AKT3: variants seen among roughly 807,000 people sequenced by gnomAD.
The protein encoded by AKT3 is AKT serine/threonine kinase 3.
A neutral mutation model predicts 65.3 loss-of-function variants in AKT3; 15 were observed. That is an observed-to-expected ratio of 0.23 (90% CI 0.15 to 0.35). The LOEUF is 0.35. Ranked by LOEUF, AKT3 falls within the 10% of genes least tolerant of loss-of-function variation. The pLI is 1.00. For synonymous variants in AKT3, 206 were observed against 183.8 expected (o/e 1.12, Z -0.98); for missense variants, 243 against 576.5 (o/e 0.42, Z 5.92).
At chr1:243,535,945 G>A (rs1671895878) in intron 12 of AKT3, among the ~76,000 whole-genome samples, 1 of 151,934 alleles carries the variant, frequency 6.6e-6, no homozygotes, top group African/African-American at 2.4e-5. Flanking sequence ...ATCTCACTGT[G>A]GTTTTATTTG....
At chr1:243,730,702 C>T (rs1012590098) in intron 2 of AKT3, among the ~76,000 whole-genome samples, 1 of 152,204 alleles carries the variant, frequency 6.6e-6, no homozygotes, top group African/African-American at 2.4e-5. Context: ...TCCCCCTGCT[C>T]GCCGAGCCGC....
intron 3 of AKT3, among the ~76,000 whole-genome samples, chr1:243,693,243 G>GATAGATATAT (rs1684824887): frequency 2.2e-5 from 1 of 45,382 alleles, no homozygotes; most frequent in Non-Finnish European, 4.1e-5. Context: ...GCTACAATTT[G>GATAGATATAT]ATATATATAT....
chr1:243,781,074 T>C (rs191642163), intron 2 of AKT3, among the ~76,000 whole-genome samples: 148 of 152,208 alleles, frequency 9.7e-4, no homozygotes, highest in Middle Eastern at 6.8e-3. Context: ...ACACTCTTGG[T>C]AACTACTGTT....
At position 243,815,539 on chromosome 1, in the gene AKT3, C is replaced by T. The variant is rs1037554286; in HGVS notation, c.46+27586G>A. On this transcript the variant is annotated intron_variant, in intron 2 of 13. Transcript: ENST00000673466. ...TTTCAAAATCCTTCAAGCTTGTAGC[C>T]AGTTCCAAATTCAAAAGACAGTACT... Among the ~76,000 whole-genome samples, 4 of 151,960 alleles carry T rather than the reference C, an allele frequency of 2.6e-5. No homozygotes were observed. In the South Asian group the frequency reaches 8.3e-4, roughly 32 times the overall value.
intron 2 of AKT3, among the ~76,000 whole-genome samples, chr1:243,787,462 T>A (rs888261083): frequency 6.6e-6 from 1 of 152,174 alleles, no homozygotes; most frequent in African/African-American, 2.4e-5. Context: ...GGTCCTGGCA[T>A]CCTCCACACT....
At chr1:243,778,938 C>G (rs1690734795) in intron 2 of AKT3, among the ~76,000 whole-genome samples, 1 of 151,062 alleles carries the variant, frequency 6.6e-6, no homozygotes, top group African/African-American at 2.4e-5. Context: ...TTTCTTGTCA[C>G]TGAATGGACC....
intron 2 of AKT3, among the ~76,000 whole-genome samples, chr1:243,705,522 A>T (rs1685742672): frequency 6.6e-6 from 1 of 152,220 alleles, no homozygotes; most frequent in African/African-American, 2.4e-5. Flanking sequence ...ATTTTTAACC[A>T]AAGTGATGCT....
chr1:243,842,521 A>G (rs1465368207), intron 2 of AKT3, among the ~76,000 whole-genome samples: 1 of 152,234 alleles, frequency 6.6e-6, no homozygotes, highest in African/African-American at 2.4e-5. Context: ...TTATTTATCT[A>G]AAGTAGGAGT....
chr1:243,681,663 C>T (rs1010105739), intron 3 of AKT3, among the ~76,000 whole-genome samples: 2 of 152,126 alleles, frequency 1.3e-5, no homozygotes, highest in African/African-American at 4.8e-5. Flanking sequence ...GTGCTGACGA[C>T]GTATTACTTG....
At position 243,668,624 on chromosome 1, in the gene AKT3, T is replaced by A. The variant is rs568396181; in HGVS notation, c.173-3741A>T. On this transcript the variant is annotated intron_variant, in intron 3 of 13. Transcript: ENST00000673466. ...CAACCTGAATTTAATAATGAAGAAT[T>A]TAAACTAATAACAGAGATCATGGTT... Among the ~76,000 whole-genome samples the A allele has an allele frequency of 7.9e-5, 12 of 152,220 alleles. No homozygotes were observed. In the East Asian group the frequency reaches 2.1e-3, roughly 27 times the overall value.
Position 243,756,533 on chromosome 1 carries a change from T to C in AKT3, c.47-60817A>G, listed in dbSNP as rs140663013. On this transcript the variant is annotated intron_variant, in intron 2 of 13. Coordinates refer to ENST00000673466, the MANE Select transcript of AKT3 (RefSeq NM_005465.7). ...TACGAAAACACTATGACTCATTTGT[T>C]GAATAAAACAAGAATCCATGAGCCC... Among the ~76,000 whole-genome samples, 714 of 152,230 alleles carry C rather than the reference T, an allele frequency of 4.7e-3. 5 individuals carry two copies. Among genetic ancestry groups the C allele is most frequent in the African/African-American group, 0.017 (690 of 41,536 alleles).
chr1:243,640,811 G>A (rs1680323931), intron 5 of AKT3, among the ~76,000 whole-genome samples: 1 of 152,170 alleles, frequency 6.6e-6, no homozygotes, highest in African/African-American at 2.4e-5. Context: ...TATTTACATG[G>A]CTATTGTTTT....
intron 2 of AKT3, among the ~76,000 whole-genome samples, chr1:243,763,156 A>G (rs1398083535): frequency 6.6e-6 from 1 of 152,092 alleles, no homozygotes; most frequent in Non-Finnish European, 1.5e-5. Flanking sequence ...ATTCGCATAC[A>G]TTTTTAAAAA....
intron 4 of AKT3, among the ~76,000 whole-genome samples, chr1:243,649,546 A>G (rs982462231): frequency 2.0e-5 from 3 of 151,968 alleles, no homozygotes; most frequent in African/African-American, 7.3e-5. Context: ...TATTTCTGCT[A>G]ATGCTATCCC....
chr1:243,661,648 AG>A (rs1369784994), intron 4 of AKT3, among the ~76,000 whole-genome samples: 1 of 152,000 alleles, frequency 6.6e-6, no homozygotes, highest in Non-Finnish European at 1.5e-5. Context: ...GGCAAGGGCA[AG>A]GACTTCATGT....
At chr1:243,746,885 A>G (rs1388453674) in intron 2 of AKT3, among the ~76,000 whole-genome samples, 1 of 148,320 alleles carries the variant, frequency 6.7e-6, no homozygotes, top group East Asian at 2.1e-4. Flanking sequence ...ATTGTCATGA[A>G]GAACATGAAC....
intron 2 of AKT3, among the ~76,000 whole-genome samples, chr1:243,818,761 A>G (rs1693681338): frequency 6.6e-6 from 1 of 151,208 alleles, no homozygotes; most frequent in Non-Finnish European, 1.5e-5. Flanking sequence ...CGCTGTGGCC[A>G]GAGGCTCCCA....
chr1:243,496,679 TG>T (rs1667994857), downstream of AKT3, among the ~76,000 whole-genome samples: 1 of 152,204 alleles, frequency 6.6e-6, no homozygotes, highest in African/African-American at 2.4e-5. Flanking sequence ...CTGCCACTTC[TG>T]GCTGGTTTGG....
intron 2 of AKT3, among the ~76,000 whole-genome samples, chr1:243,714,484 T>C (rs1461344872): frequency 2.0e-5 from 3 of 152,208 alleles, no homozygotes; most frequent in Admixed American, 6.5e-5. Flanking sequence ...TATGTCACCA[T>C]AAGAATAATT....
Sources: allele counts gnomAD v4.1 joint callset (sites outside exome capture counted in the v4.1 genomes callset), GRCh38; gene constraint gnomAD v4.1.1; transcripts MANE v1.5; gene names NCBI Gene and HGNC (gene_info 2026-07-23, HGNC 2026-07-21).